The following DTNB variants were observed in gnomAD, a reference collection of about 807,000 sequenced individuals.
The protein encoded by DTNB is dystrobrevin beta, also known as DTN-B.
In DTNB, 63 loss-of-function variants were observed where a neutral mutation model predicts 90.7. The observed-to-expected ratio is 0.69, with a 90% CI of 0.57 to 0.86. DTNB has a LOEUF of 0.86. Among genes scored for constraint, DTNB ranks in the 40% least tolerant of loss-of-function variants. The probability of loss-of-function intolerance (pLI) is 0.00; values close to 1 mark genes in which losing one functional copy is unlikely to be tolerated. For missense variants in DTNB, 744 were observed against 807.1 expected (o/e 0.92, Z 0.95); for synonymous variants, 277 against 286.7 (o/e 0.97, Z 0.34).
chr2:25,546,502 G>A (rs2082441318), intron 8 of DTNB, among the ~76,000 whole-genome samples: 1 of 152,142 alleles, frequency 6.6e-6, no homozygotes, highest in Non-Finnish European at 1.5e-5. Flanking sequence ...CTCTTCTAAA[G>A]TCCTGGCCTT....
At chr2:25,606,607 T>C (rs1485720055) in intron 5 of DTNB, among the ~76,000 whole-genome samples, 2 of 152,300 alleles carry the variant, frequency 1.3e-5, no homozygotes, top group South Asian at 4.1e-4. Flanking sequence ...AATAACTGAA[T>C]AAATAAAAAC....
intron 8 of DTNB, among the ~76,000 whole-genome samples, chr2:25,574,117 G>A (rs1440219761): frequency 1.3e-5 from 2 of 152,122 alleles, no homozygotes; most frequent in East Asian, 1.9e-4. Flanking sequence ...TTAGCTACAC[G>A]AAGGCTGAAA....
intron 9 of DTNB, among the ~76,000 whole-genome samples, chr2:25,520,282 G>A (rs1349831327): frequency 2.6e-5 from 4 of 152,194 alleles, no homozygotes; most frequent in Non-Finnish European, 5.9e-5. Flanking sequence ...TGAGGCAGGA[G>A]AACTGTTTGA....
intron 10 of DTNB, among the ~76,000 whole-genome samples, chr2:25,462,829 A>G (rs965770030): frequency 4.0e-5 from 6 of 151,558 alleles, no homozygotes; most frequent in East Asian, 1.9e-4. Flanking sequence ...TCAGCCTCCC[A>G]AGTAGCTGGG....
chr2:25,381,689 T>C (rs1298469881), intron 19 of DTNB, among the ~76,000 whole-genome samples: 1 of 152,256 alleles, frequency 6.6e-6, no homozygotes, highest in African/African-American at 2.4e-5. Context: ...TCTGACCTTT[T>C]GGTGTCCGTG....
At chr2:25,568,854 A>C (rs1300292392) in intron 8 of DTNB, among the ~76,000 whole-genome samples, 1 of 152,178 alleles carries the variant, frequency 6.6e-6, no homozygotes, top group Admixed American at 6.5e-5. Flanking sequence ...GGCTGGCCTC[A>C]GTGACTCTTC....
chr2:25,601,940 G>A (rs980648028), intron 5 of DTNB, among the ~76,000 whole-genome samples: 1 of 152,028 alleles, frequency 6.6e-6, no homozygotes, highest in Admixed American at 6.6e-5. Context: ...TGTCCAACAT[G>A]GGGAAACCCG....
chr2:25,492,719 C>T (rs1558749951), intron 9 of DTNB, among the ~76,000 whole-genome samples: 1 of 152,080 alleles, frequency 6.6e-6, no homozygotes, highest in African/African-American at 2.4e-5. Flanking sequence ...TTTGGTGGTG[C>T]ACACCTGTAG....
chr2:25,421,463 C>A (rs989515522), intron 15 of DTNB, among the ~76,000 whole-genome samples: 1 of 152,248 alleles, frequency 6.6e-6, no homozygotes, highest in Non-Finnish European at 1.5e-5. Flanking sequence ...TGCTTTTGCA[C>A]CTGCTTTGCA....
chr2:25,530,021 T>A (rs1377430811), intron 9 of DTNB, among the ~76,000 whole-genome samples: 2 of 152,148 alleles, frequency 1.3e-5, no homozygotes, highest in Non-Finnish European at 2.9e-5. Context: ...TTTAAAATAT[T>A]ATTTAAAATT....
intron 9 of DTNB, among the ~76,000 whole-genome samples, chr2:25,494,471 TG>T (rs1234221011): frequency 1.1e-3 from 10 of 8,904 alleles, no homozygotes; most frequent in African/African-American, 4.1e-3. Flanking sequence ...GTAAGGGGGG[TG>T]GGGGGAGGAG....
intron 10 of DTNB, among the ~76,000 whole-genome samples, chr2:25,474,061 G>C (rs1048521484): frequency 6.6e-6 from 1 of 152,160 alleles, no homozygotes; most frequent in Non-Finnish European, 1.5e-5. Flanking sequence ...AGGTATTTAA[G>C]TATGGACTTG....
intron 16 of DTNB, among the ~76,000 whole-genome samples, chr2:25,413,699 T>C (rs1049205454): frequency 6.6e-6 from 1 of 152,122 alleles, no homozygotes; most frequent in African/African-American, 2.4e-5. Flanking sequence ...TTTGGGTTGG[T>C]TCCAAGTCTT....
chr2:25,404,421 G>C (rs2044521816), intron 16 of DTNB, among the ~76,000 whole-genome samples: 1 of 152,206 alleles, frequency 6.6e-6, no homozygotes, highest in African/African-American at 2.4e-5. Context: ...CACTGGGCTG[G>C]AGAGGAGGCT....
At chr2:25,457,141 C>T (rs1404968748) in intron 10 of DTNB, among the ~76,000 whole-genome samples, 1 of 152,092 alleles carries the variant, frequency 6.6e-6, no homozygotes, top group East Asian at 1.9e-4. Flanking sequence ...TCCTGTGTAG[C>T]TGGGATTATA....
intron 8 of DTNB, among the ~76,000 whole-genome samples, chr2:25,557,113 A>G (rs1057007979): frequency 2.0e-5 from 3 of 152,242 alleles, no homozygotes; most frequent in Non-Finnish European, 2.9e-5. Context: ...AGTGTGACCA[A>G]TATTTCAGGT....
At chr2:25,595,148 G>A (rs1261282551) in intron 6 of DTNB, 2 of 152,272 alleles carry the variant, frequency 1.3e-5, no homozygotes, top group South Asian at 2.1e-4. Context: ...TTCTTGGCAG[G>A]AGTTACCGGA....
At chr2:25,593,788 T>C (rs1386137086) in intron 6 of DTNB, among the ~76,000 whole-genome samples, 1 of 152,164 alleles carries the variant, frequency 6.6e-6, no homozygotes, top group Non-Finnish European at 1.5e-5. Flanking sequence ...AATACTAACG[T>C]TGCAATTAAA....
intron 6 of DTNB, among the ~76,000 whole-genome samples, chr2:25,589,254 T>G (rs1014933250): frequency 6.6e-5 from 10 of 152,072 alleles, no homozygotes; most frequent in African/African-American, 2.4e-4. Context: ...CCCAATAAAG[T>G]GTTATCAACA....
Sources: gnomAD v4.1 joint callset for allele counts (sites outside exome capture counted in the v4.1 genomes callset) on GRCh38, gnomAD v4.1.1 for gene constraint, MANE v1.5 for transcripts, NCBI Gene and HGNC (gene_info 2026-07-23, HGNC 2026-07-21) for gene names.